NAALAD2: variants seen among roughly 807,000 people sequenced by gnomAD.
NAALAD2 encodes N-acetylated-alpha-linked acidic dipeptidase 2.
NAALAD2 carries 89 observed loss-of-function variants against 95.6 expected under a neutral mutation model. The observed-to-expected ratio is 0.93, with a 90% CI of 0.78 to 1.11. The LOEUF (loss-of-function observed/expected upper bound fraction) is 1.11, where lower values mean the gene tolerates loss of function less well. Ranked by LOEUF, NAALAD2 falls within the 50% of genes least tolerant of loss-of-function variation. The pLI is 0.00. For missense variants in NAALAD2, 894 were observed against 872.4 expected (o/e 1.02, Z -0.31); for synonymous variants, 264 against 294.4 (o/e 0.90, Z 1.06).
At position 90,176,163 on chromosome 11, in the gene NAALAD2, C is replaced by A. The variant is rs75033678; in HGVS notation, c.1593+101C>A. 7.1e-4 allele frequency: 583 copies of A among 825,104 alleles called. 8 individuals are homozygous for A. In the African/African-American group the frequency reaches 9.1e-3, roughly 13 times the overall value. 51.1% of individuals were successfully genotyped at this position (825,104 alleles called of 1,614,324 possible). ...GGCACCAGACACCTGGTGGATGTGG[C>A]CTGGGAAGAGTTCCCAGGGATAGAG... On this transcript the variant is annotated intron_variant, in intron 15 of 18. Transcript: ENST00000534061.
intron 11 of NAALAD2, among the ~76,000 whole-genome samples, chr11:90,166,320 TGA>T (rs968961235): frequency 3.3e-5 from 5 of 151,508 alleles, no homozygotes; most frequent in East Asian, 3.9e-4. Context: ...TGTATGTGTA[TGA>T]GAGAGAGAGA....
chr11:90,176,573 G>T (rs1311044962), intron 15 of NAALAD2, among the ~76,000 whole-genome samples: 1 of 152,088 alleles, frequency 6.6e-6, no homozygotes, highest in Non-Finnish European at 1.5e-5. Context: ...CCCCTTTTCT[G>T]TTCTGCACTG....
At chr11:90,175,152 A>G (rs1952751691) in intron 14 of NAALAD2, among the ~76,000 whole-genome samples, 1 of 152,208 alleles carries the variant, frequency 6.6e-6, no homozygotes, top group Non-Finnish European at 1.5e-5. Flanking sequence ...GTACAAGCAA[A>G]TAATAGTAAC....
intron 2 of NAALAD2, among the ~76,000 whole-genome samples, chr11:90,138,901 CAAT>C (rs1268437364): frequency 2.6e-5 from 4 of 151,894 alleles, no homozygotes; most frequent in Non-Finnish European, 5.9e-5. Flanking sequence ...TTTTCTATAA[CAAT>C]GATGGCATCT....
Position 90,163,388 on chromosome 11 carries a change from T to C in NAALAD2, c.1154T>C (p.Leu385Ser), listed in dbSNP as rs1222234402. The C allele has an allele frequency of 3.1e-6, 5 of 1,614,114 alleles. No homozygotes were observed. In the South Asian group the frequency reaches 4.4e-5, roughly 14 times the overall value. The change falls in exon 10 of 19, where the codon TTG (leucine) becomes TCG (serine). Residue 385 changes from leucine (L) to serine (S), a missense_variant. Physicochemically the swap from Leu to Ser is moderately radical, Grantham distance 145. Transcript: ENST00000534061. ...AIDPTSGVAV[L>S]QEIARSFGKL... ...GACCCAACCAGTGGGGTTGCTGTTT[T>C]GCAAGAAATTGCCCGGAGTTTTGGA... is the stretch of plus-strand genomic sequence containing the variant.
chr11:90,166,423 A>T (rs1952448994), intron 11 of NAALAD2, among the ~76,000 whole-genome samples: 1 of 152,206 alleles, frequency 6.6e-6, no homozygotes. Flanking sequence ...GTAAATATAA[A>T]CAAATGGAAA....
intron 16 of NAALAD2, among the ~76,000 whole-genome samples, chr11:90,181,212 C>A (rs778788815): frequency 1.3e-5 from 2 of 151,920 alleles, no homozygotes; most frequent in African/African-American, 2.4e-5. Flanking sequence ...ATCTTAAATG[C>A]ACTATTTGAA....
chr11:90,156,889 T>C (rs1340989439), intron 6 of NAALAD2, among the ~76,000 whole-genome samples: 2 of 152,210 alleles, frequency 1.3e-5, no homozygotes, highest in Admixed American at 1.3e-4. Context: ...TATAAATGTG[T>C]TATTTAATTT....
intron 7 of NAALAD2, 124 bp from the exon 8 acceptor site, chr11:90,159,115 C>A (rs924948370): frequency 1.1e-5 from 8 of 759,576 alleles, no homozygotes; most frequent in Admixed American, 2.3e-5. Context: ...TTTGACAGTA[C>A]CTGGCACTTA....
chr11:90,190,076 C>A (rs1565555340), intron 18 of NAALAD2, among the ~76,000 whole-genome samples: 1 of 152,146 alleles, frequency 6.6e-6, no homozygotes, highest in Admixed American at 6.6e-5. Flanking sequence ...CTGATCATTT[C>A]TTTTAGCTTG....
chr11:90,177,753 G>A, intron 15 of NAALAD2, 100 bp from the exon 16 acceptor site: 1 of 1,227,370 alleles, frequency 8.1e-7, no homozygotes, highest in Non-Finnish European at 1.1e-6. Flanking sequence ...ATGACTGGCT[G>A]GTTGTTATTT....
chr11:90,173,723 T>C, intron 13 of NAALAD2, 101 bp from the exon 14 acceptor site: 1 of 753,696 alleles, frequency 1.3e-6, no homozygotes, highest in Non-Finnish European at 2.2e-6. Flanking sequence ...GTACATATGT[T>C]ATTAAAAGTA....
intron 18 of NAALAD2, among the ~76,000 whole-genome samples, chr11:90,185,975 T>C (rs996774146): frequency 6.6e-6 from 1 of 151,942 alleles, no homozygotes; most frequent in African/African-American, 2.4e-5. Flanking sequence ...TCTCATGACT[T>C]TTTGAGTCCA....
chr11:90,136,324 C>T (rs747291776), intron 2 of NAALAD2, among the ~76,000 whole-genome samples: 1 of 152,092 alleles, frequency 6.6e-6, no homozygotes, highest in African/African-American at 2.4e-5. Context: ...AAATAAACTG[C>T]ATCCCTATAA....
chr11:90,172,042 C>T (rs74875663), intron 13 of NAALAD2, among the ~76,000 whole-genome samples: 2,049 of 152,148 alleles, frequency 0.013, 46 homozygotes, highest in African/African-American at 0.046. Context: ...TCTAGGCCAA[C>T]GGGACGTGAT....
intron 11 of NAALAD2, among the ~76,000 whole-genome samples, chr11:90,167,708 A>G (rs1445734658): frequency 6.6e-6 from 1 of 152,160 alleles, no homozygotes; most frequent in Non-Finnish European, 1.5e-5. Context: ...CACACCAATC[A>G]GCACCCTGTG....
intron 14 of NAALAD2, among the ~76,000 whole-genome samples, chr11:90,174,208 G>A (rs1161458083): frequency 6.6e-6 from 1 of 151,978 alleles, no homozygotes; most frequent in Non-Finnish European, 1.5e-5. Context: ...GCGGGCACTT[G>A]TAATCCCAGT....
Position 90,155,309 on chromosome 11 carries a change from AT to A in NAALAD2, c.796+2826del, listed in dbSNP as rs1952035238. Reference sequence around the variant, plus strand: ...ATGCATATATGTATATATAATGTATATATTATATATAATATATAATGTATAA... The same window carrying A: ...ATGCATATATGTATATATAATGTATAATTATATATAATATATAATGTATAA... On this transcript the variant is annotated intron_variant, in intron 6 of 18. Coordinates refer to ENST00000534061, the MANE Select transcript of NAALAD2 (RefSeq NM_005467.4). Among the ~76,000 whole-genome samples the A allele has an allele frequency of 3.3e-5, 4 of 120,580 alleles. No individual in the cohort carries two copies. In the South Asian group the frequency reaches 9.5e-4, roughly 29 times the overall value. The allele number at this position is 120,580 out of a possible 152,430, so 79.1% of individuals were successfully genotyped here.
At position 90,158,477 on chromosome 11, in the gene NAALAD2, C is replaced by T. The variant is rs889445958; in HGVS notation, c.890+239C>T. The stretch of plus-strand genomic sequence containing the variant: ...ACAAATGAAATTCTCAAATACAAAG[C>T]TATGTCCTAAGATAATTCTGATTTG... On this transcript the variant is annotated intron_variant, in intron 7 of 18. Transcript: ENST00000534061. 23 of 395,546 alleles carry T rather than the reference C, an allele frequency of 5.8e-5. No homozygotes were observed. In the South Asian group the frequency reaches 7.3e-4, roughly 13 times the overall value. 24.5% of individuals were successfully genotyped at this position (395,546 alleles called of 1,614,324 possible).
Sources: allele counts gnomAD v4.1 joint callset (sites outside exome capture counted in the v4.1 genomes callset), GRCh38; gene constraint gnomAD v4.1.1; transcripts MANE v1.5; gene names NCBI Gene and HGNC (gene_info 2026-07-23, HGNC 2026-07-21).